Variants in RIPOR3 observed in about 807,000 individuals in gnomAD.
RIPOR3 encodes RIPOR family member 3.
RIPOR3 carries 95 observed loss-of-function variants against 114.3 expected under a neutral mutation model. The ratio of observed to expected loss-of-function variants is 0.83; its 90% CI spans 0.70 to 0.99. RIPOR3 has a LOEUF of 0.99. RIPOR3 is among the 50% of genes least tolerant of loss of function. The pLI, the probability that RIPOR3 is intolerant of heterozygous loss-of-function variation, is 0.00. For synonymous variants in RIPOR3, 575 were observed against 543.8 expected (o/e 1.06, Z -0.80); for missense variants, 1,252 against 1,266.9 (o/e 0.99, Z 0.18).
At chr20:50,666,198 T>TTCTTTCCTTTCCTTTCC (rs1555873341) in intron 1 of RIPOR3, among the ~76,000 whole-genome samples, 2 of 96,720 alleles carry the variant, frequency 2.1e-5, no homozygotes, top group African/African-American at 1.1e-4. Flanking sequence ...TTTTCTTTTC[T>TTCTTTCCTTTCCTTTCC]TTTCTTTTCT....
At chr20:50,597,518 A>G (rs41283602) in intron 14 of RIPOR3, 62 bp downstream of exon 14, 105,134 of 1,553,738 alleles carry the variant, frequency 0.068, 4,041 homozygotes, top group Non-Finnish European at 0.079. Flanking sequence ...GGAAACGTGG[A>G]GCTCGGGTCA....
intron 11 of RIPOR3, among the ~76,000 whole-genome samples, chr20:50,607,907 TG>T (rs935627575): frequency 2.0e-5 from 3 of 152,138 alleles, no homozygotes; most frequent in Non-Finnish European, 4.4e-5. Context: ...CAGAGAGCTC[TG>T]GAGCCCTCCA....
At position 50,593,116 on chromosome 20, in the gene RIPOR3, TAATGA is replaced by T; in HGVS notation, c.2288_2292del (p.Ile763AsnfsTer16). On this transcript the variant is annotated frameshift_variant, in exon 18 of 22. Coordinates refer to ENST00000327979, the MANE Select transcript of RIPOR3 (RefSeq NM_001290268.2). LOFTEE classifies it high-confidence loss of function. ...AGGTAGCTGTGAAACTGGAACCAGG[TAATGA>T]TCTGTTCTTCTGGGAGCCCAGCTCC... The T allele has an allele frequency of 6.2e-7, 1 of 1,614,042 alleles. No homozygotes were observed. Among genetic ancestry groups the T allele is most frequent in the Admixed American group, 1.7e-5 (1 of 60,032 alleles).
At chr20:50,657,748 C>CTTTT (rs1272938455) in intron 1 of RIPOR3, among the ~76,000 whole-genome samples, 23 of 109,046 alleles carry the variant, frequency 2.1e-4, no homozygotes, top group Non-Finnish European at 2.3e-4. Flanking sequence ...ATGTCTTTTA[C>CTTTT]TTTTTTTTTT....
intron 1 of RIPOR3, among the ~76,000 whole-genome samples, chr20:50,631,177 C>T (rs2084807385): frequency 1.3e-5 from 2 of 152,174 alleles, no homozygotes; most frequent in African/African-American, 4.8e-5. Flanking sequence ...ACCCCCCGAG[C>T]TTCTCCTCTC....
rs369674144 is a variant in RIPOR3, at chr20:50,608,970, T to C, written c.641-15A>G. The C allele has an allele frequency of 3.2e-6, 5 of 1,568,506 alleles. No individual in the cohort carries two copies. The African/African-American group carries it at 6.7e-5, about 21-fold the overall frequency. ...GCCCACCAAGCCTGGAACACAGACA[T>C]GGCCGGTCTCCCCTCCGCCTTCCAC... On this transcript the variant is annotated splice_polypyrimidine_tract_variant and intron_variant, in intron 8 of 21. Transcript: ENST00000327979.
At chr20:50,665,017 A>G (rs921421577) in intron 1 of RIPOR3, among the ~76,000 whole-genome samples, 2 of 152,158 alleles carry the variant, frequency 1.3e-5, no homozygotes, top group Non-Finnish European at 2.9e-5. Flanking sequence ...CAGGAGAATC[A>G]CTTGAACCCA....
intron 2 of RIPOR3, among the ~76,000 whole-genome samples, chr20:50,627,994 G>T (rs937918988): frequency 6.6e-6 from 1 of 152,228 alleles, no homozygotes; most frequent in Admixed American, 6.5e-5. Context: ...ACCTGGGCCG[G>T]ATGGCCCCCT....
intron 14 of RIPOR3, among the ~76,000 whole-genome samples, chr20:50,596,803 C>T (rs2083307264): frequency 6.6e-6 from 1 of 152,172 alleles, no homozygotes; most frequent in Non-Finnish European, 1.5e-5. Flanking sequence ...CTCTGCTCTT[C>T]CATGTGGTGA....
chr20:50,661,222 A>C (rs904871150), intron 1 of RIPOR3, among the ~76,000 whole-genome samples: 2 of 151,702 alleles, frequency 1.3e-5, no homozygotes, highest in Non-Finnish European at 2.9e-5. Context: ...TGGGCAACAG[A>C]ACGAGACTGT....
At chr20:50,662,457 G>C (rs2086029500) in intron 1 of RIPOR3, among the ~76,000 whole-genome samples, 1 of 152,222 alleles carries the variant, frequency 6.6e-6, no homozygotes, top group Non-Finnish European at 1.5e-5. Flanking sequence ...GGCAGGGCTA[G>C]CTTGGAGCCC....
chr20:50,663,314 A>G (rs2086065467), intron 1 of RIPOR3, among the ~76,000 whole-genome samples: 1 of 152,016 alleles, frequency 6.6e-6, no homozygotes, highest in South Asian at 2.1e-4. Context: ...TGCTGGCTAC[A>G]ACGTGCTTAA....
chr20:50,630,755 T>G lies in RIPOR3; in HGVS notation c.105A>C (p.Ala35=). ...RSASFAGFSS[A]QSRRIAKSIN... Reference sequence around the variant, plus strand: ...GAACTTACGCGATCCTCCGGCTCTGTGCACTGCTGAAGCCTGCGAAGGAGG... The same window carrying G: ...GAACTTACGCGATCCTCCGGCTCTGGGCACTGCTGAAGCCTGCGAAGGAGG... The change falls in exon 2 of 22, where the codon GCA becomes GCC. Residue 35 remains alanine, a synonymous_variant. Coordinates refer to ENST00000327979, the MANE Select transcript of RIPOR3 (RefSeq NM_001290268.2). 1.2e-6 allele frequency: 2 copies of G among 1,611,556 alleles called. No individual in the cohort carries two copies. The highest frequency in any genetic ancestry group is 1.7e-6 in the Non-Finnish European group (2 of 1,179,244).
intron 16 of RIPOR3, 52 bp downstream of exon 16, chr20:50,595,317 C>G (rs1027891045): frequency 1.9e-6 from 3 of 1,589,472 alleles, no homozygotes; most frequent in African/African-American, 2.7e-5. Context: ...GCTTTGATCC[C>G]GTCCCCGTGC....
At chr20:50,644,266 C>G (rs1292491906) in intron 1 of RIPOR3, among the ~76,000 whole-genome samples, 7 of 152,144 alleles carry the variant, frequency 4.6e-5, no homozygotes, top group African/African-American at 1.7e-4. Context: ...GCCACTGCAC[C>G]TGACCCCAAC....
intron 1 of RIPOR3, among the ~76,000 whole-genome samples, chr20:50,649,386 A>T (rs73121750): frequency 0.06 from 9,184 of 152,284 alleles, 308 homozygotes; most frequent in African/African-American, 0.082. Flanking sequence ...CAGAGTTTGT[A>T]GTGGGCTGAG....
chr20:50,602,179 C>G lies in RIPOR3; in HGVS notation c.1552G>C (p.Glu518Gln), dbSNP rs367985662. 4.3e-6 allele frequency: 7 copies of G among 1,613,150 alleles called. No homozygotes were observed. The highest frequency in any genetic ancestry group is 1.7e-5 in the Admixed American group (1 of 60,002). Reference sequence around the variant, plus strand: ...TCCAGGACCTCCTGCAGAGGCCCCTCGAGGGCCACGCCAGGCCCGTCCTCT... The same window carrying G: ...TCCAGGACCTCCTGCAGAGGCCCCTGGAGGGCCACGCCAGGCCCGTCCTCT... ...DREDGPGVAL[E>Q]GPLQEVLELL... Residue 518 changes from glutamate to glutamine, a missense_variant, in exon 13 of 22, where the codon GAG becomes CAG. By Grantham distance (29) the Glu-to-Gln change is conservative (BLOSUM62 2). Transcript: ENST00000327979. The surrounding 1 kb of genome is among the most constrained non-coding windows in gnomAD (Gnocchi z 4.3).
intron 1 of RIPOR3, among the ~76,000 whole-genome samples, chr20:50,643,130 TTTTTTTTTTTGAGATG>T (rs1403341612): frequency 6.6e-6 from 1 of 151,414 alleles, no homozygotes; most frequent in Non-Finnish European, 1.5e-5. Flanking sequence ...AGCACTTTTT[TTTTTTTTTTTGAGATG>T]GAGTCTCGCT....
chr20:50,588,764 A>G (rs184069360), intron 20 of RIPOR3, among the ~76,000 whole-genome samples: 2,018 of 150,572 alleles, frequency 0.013, 32 homozygotes, highest in Non-Finnish European at 0.018. Flanking sequence ...AAAAAAAAAA[A>G]AAAAGAAAAA....
Sources: gnomAD v4.1 joint callset for allele counts (sites outside exome capture counted in the v4.1 genomes callset) on GRCh38, gnomAD v4.1.1 for gene constraint, Gnocchi (gnomAD v3.1) non-coding constraint, MANE v1.5 for transcripts, NCBI Gene and HGNC (gene_info 2026-07-23, HGNC 2026-07-21) for gene names.